The following ARHGEF10 variants were observed in gnomAD, a reference collection of about 807,000 sequenced individuals.
ARHGEF10 encodes Rho guanine nucleotide exchange factor (GEF) 10.
Under a neutral mutation model 147.4 loss-of-function variants are expected in ARHGEF10, and 140 were observed. The observed-to-expected ratio is 0.95, with a 90% CI of 0.83 to 1.09. The LOEUF (loss-of-function observed/expected upper bound fraction) is 1.09. Among genes scored for constraint, ARHGEF10 ranks in the 50% least tolerant of loss-of-function variants. The pLI is 0.00. For missense variants in ARHGEF10, 2,222 were observed against 1,752.7 expected, an observed-to-expected ratio of 1.27 and a Z score of -4.78; for synonymous variants, 902 against 695.8, an observed-to-expected ratio of 1.30 and a Z score of -4.67.
At chr8:1,934,017 A>G in intron 26 of ARHGEF10, 75 bp downstream of exon 26, 1 of 1,599,806 alleles carries the variant, frequency 6.3e-7, no homozygotes, top group South Asian at 1.1e-5. Flanking sequence ...CTGGTGCCGA[A>G]GTCAAGGCTT....
chr8:1,877,922 C>G (rs1004368201), intron 8 of ARHGEF10, among the ~76,000 whole-genome samples: 7 of 152,130 alleles, frequency 4.6e-5, no homozygotes, highest in Admixed American at 6.5e-5. Context: ...GTTATCCCTC[C>G]GGTCCCCTAG....
chr8:1,949,568 C>G (rs913812752), intron 27 of ARHGEF10, among the ~76,000 whole-genome samples: 1 of 152,148 alleles, frequency 6.6e-6, no homozygotes, highest in Admixed American at 6.5e-5. Context: ...TGGGAAAGTG[C>G]TGAGACACAT....
At chr8:1,894,841 C>T (rs572222631) in intron 13 of ARHGEF10, among the ~76,000 whole-genome samples, 5 of 152,200 alleles carry the variant, frequency 3.3e-5, no homozygotes, top group Admixed American at 1.3e-4. Context: ...TGCACTTTAT[C>T]GAGTCTTGGA....
chr8:1,904,936 C>T (rs1810762706), intron 16 of ARHGEF10, among the ~76,000 whole-genome samples: 2 of 152,164 alleles, frequency 1.3e-5, no homozygotes, highest in African/African-American at 4.8e-5. Context: ...GCCTAACCAA[C>T]ATGACAAAAC....
chr8:1,885,527 T>A, intron 10 of ARHGEF10, 74 bp from the exon 11 acceptor site: 1 of 1,055,824 alleles, frequency 9.5e-7, no homozygotes. Flanking sequence ...TATTTGACTT[T>A]TTTTTACTGT....
At chr8:1,899,975 TGC>T (rs1451410043) in intron 15 of ARHGEF10, among the ~76,000 whole-genome samples, 1 of 152,222 alleles carries the variant, frequency 6.6e-6, no homozygotes, top group Non-Finnish European at 1.5e-5. Flanking sequence ...TGTTTAGCGA[TGC>T]GCCAGTGAGT....
Position 1,892,289 on chromosome 8 carries a change from G to GTGTGTGTGT in ARHGEF10, c.1183-1279_1183-1271dup, listed in dbSNP as rs1290766418. ...CCAGCTTCTGGCTCTGTGTGTGTGTGTGTGTGTGTGTGTGTGTGTGTGTGT... is the reference window on the plus strand; with the variant it reads ...CCAGCTTCTGGCTCTGTGTGTGTGTGTGTGTGTGTTGTGTGTGTGTGTGTGTGTGTGTGT... On this transcript the variant is annotated intron_variant, in intron 11 of 28. Coordinates refer to ENST00000349830, the MANE Select transcript of ARHGEF10 (RefSeq NM_014629.4). Among the ~76,000 whole-genome samples the GTGTGTGTGT allele has an allele frequency of 3.4e-5, 5 of 147,838 alleles. No homozygotes were observed. The East Asian group carries it at 6.0e-4, about 18-fold the overall frequency.
chr8:1,865,918 CCT>C (rs1396627446), intron 5 of ARHGEF10, among the ~76,000 whole-genome samples: 1 of 152,202 alleles, frequency 6.6e-6, no homozygotes, highest in Non-Finnish European at 1.5e-5. Flanking sequence ...AGCAGTGGTG[CCT>C]CTCATGGGGC....
intron 9 of ARHGEF10, among the ~76,000 whole-genome samples, chr8:1,881,900 G>T: frequency 6.6e-6 from 1 of 152,298 alleles, no homozygotes; most frequent in South Asian, 2.1e-4. Flanking sequence ...ATCACTCAGC[G>T]TCCAGTGGCC....
chr8:1,933,387 GTGTGCTGGGTAC>G (rs1430085411), intron 25 of ARHGEF10, among the ~76,000 whole-genome samples: 3 of 152,138 alleles, frequency 2.0e-5, no homozygotes, highest in Non-Finnish European at 4.4e-5. Flanking sequence ...CTGAATACCT[GTGTGCTGGGTAC>G]TGTGCTGAGC....
chr8:1,955,882 G>A (rs1166420981), intron 28 of ARHGEF10, among the ~76,000 whole-genome samples: 1 of 152,250 alleles, frequency 6.6e-6, no homozygotes, highest in Non-Finnish European at 1.5e-5. Flanking sequence ...TGATGAGCGG[G>A]CCTGTCCCTG....
chr8:1,853,811 G>C (rs1288494327), intron 2 of ARHGEF10, among the ~76,000 whole-genome samples: 1 of 152,148 alleles, frequency 6.6e-6, no homozygotes, highest in South Asian at 2.1e-4. Flanking sequence ...GCCGGCTGTG[G>C]GCACTCCCGG....
rs201880887 is a variant in ARHGEF10, at chr8:1,887,632, CTG to C, written c.1182+1928_1182+1929del. Among the ~76,000 whole-genome samples, 11 of 126,742 alleles carry C rather than the reference CTG, an allele frequency of 8.7e-5. No homozygotes were observed. The East Asian group carries it at 3.2e-3, about 37-fold the overall frequency. 83.1% of individuals were successfully genotyped at this position (126,742 alleles called of 152,430 possible). Reference sequence around the variant, plus strand: ...TGAGCAGGTGAGGGTTGTGAGGAGACTGTGAGTGAGCTGAGAGTCTGTGAGGA... The same window carrying C: ...TGAGCAGGTGAGGGTTGTGAGGAGACTGAGTGAGCTGAGAGTCTGTGAGGA... On this transcript the variant is annotated intron_variant, in intron 11 of 28. Transcript: ENST00000349830.
intron 17 of ARHGEF10, among the ~76,000 whole-genome samples, chr8:1,908,303 T>G (rs1192237140): frequency 2.0e-5 from 3 of 147,210 alleles, no homozygotes; most frequent in Non-Finnish European, 4.4e-5. Flanking sequence ...CGATCTCAGC[T>G]CGCTGCAAGC....
At chr8:1,954,731 C>T (rs1405567873) in intron 28 of ARHGEF10, among the ~76,000 whole-genome samples, 4 of 152,224 alleles carry the variant, frequency 2.6e-5, no homozygotes, top group Non-Finnish European at 5.9e-5. Flanking sequence ...TTCCTTTGGT[C>T]CTCCTCTGTA....
At chr8:1,912,707 A>G (rs1417325995) in intron 18 of ARHGEF10, among the ~76,000 whole-genome samples, 1 of 152,044 alleles carries the variant, frequency 6.6e-6, no homozygotes, top group East Asian at 1.9e-4. Flanking sequence ...GGATTGGTTT[A>G]AGCTCCCAAA....
rs1248141675 is a variant in ARHGEF10 at position 1,869,049 on chromosome 8, A to G, written c.623-145A>G. On this transcript the variant is annotated intron_variant, in intron 6 of 28. Coordinates refer to ENST00000349830, the MANE Select transcript of ARHGEF10 (RefSeq NM_014629.4). The stretch of plus-strand genomic sequence containing the variant: ...TCTACTAGTTGGGACAAAGAACGAA[A>G]AAGTAAAAAATAAAAAAAAAACTAC... The G allele has an allele frequency of 4.0e-6, 3 of 746,216 alleles. No homozygotes were observed. In the East Asian group the frequency reaches 7.9e-5, roughly 20 times the overall value. 46.2% of individuals were successfully genotyped at this position (746,216 alleles called of 1,614,324 possible).
At chr8:1,851,535 G>A (rs902750473) in intron 2 of ARHGEF10, among the ~76,000 whole-genome samples, 1 of 152,152 alleles carries the variant, frequency 6.6e-6, no homozygotes, top group Non-Finnish European at 1.5e-5. Flanking sequence ...CTTTGGGGGT[G>A]GGGAGTATAT....
At position 1,896,414 on chromosome 8, in the gene ARHGEF10, T is replaced by C. The variant is rs1201458883; in HGVS notation, c.1522T>C (p.Cys508Arg). ...STAVAVLKKT[C>R]ATKPAFLEFL... Reference sequence around the variant, plus strand: ...AGCCGTGGCAGTCCTCAAGAAAACATGTGCCACAAAGCCCGCTTTTCTTGA... The same window carrying C: ...AGCCGTGGCAGTCCTCAAGAAAACACGTGCCACAAAGCCCGCTTTTCTTGA... Residue 508 changes from cysteine (C) to arginine (R), a missense_variant, in exon 14 of 29, where the codon TGT (cysteine) becomes CGT (arginine). Coordinates refer to ENST00000349830, the MANE Select transcript of ARHGEF10 (RefSeq NM_014629.4). The C allele has an allele frequency of 2.5e-6, 4 of 1,613,980 alleles. No homozygotes were observed. The highest frequency in any genetic ancestry group is 1.1e-5 in the South Asian group (1 of 91,036).
Sources: allele counts gnomAD v4.1 joint callset (sites outside exome capture counted in the v4.1 genomes callset), GRCh38; gene constraint gnomAD v4.1.1; transcripts MANE v1.5; gene names NCBI Gene and HGNC (gene_info 2026-07-23, HGNC 2026-07-21).